FAM184B: variants seen among roughly 807,000 people sequenced by gnomAD.
FAM184B encodes the protein protein FAM184B.
Under a neutral mutation model 135.9 loss-of-function variants are expected in FAM184B, and 111 were observed. The observed-to-expected ratio is 0.82, with a 90% CI of 0.70 to 0.96. The LOEUF (loss-of-function observed/expected upper bound fraction) is 0.96. Among genes scored for constraint, FAM184B ranks in the 40% least tolerant of loss-of-function variants. The pLI is 0.00. For missense variants in FAM184B, 1,375 were observed against 1,323.9 expected (o/e 1.04, Z -0.60); for synonymous variants, 552 against 524.8 (o/e 1.05, Z -0.71).
intron 1 of FAM184B, among the ~76,000 whole-genome samples, chr4:17,748,115 A>G (rs1274341071): frequency 6.7e-6 from 1 of 150,184 alleles, no homozygotes; most frequent in African/African-American, 2.4e-5. Flanking sequence ...AAAAAAAAAA[A>G]AAAAAAAAGA....
In FAM184B at chr4:17,781,335, T is replaced by G; in HGVS notation, c.-36A>C. 1 of 1,491,534 alleles carries G rather than the reference T, an allele frequency of 6.7e-7. No homozygotes were observed. Among genetic ancestry groups the G allele is most frequent in the Non-Finnish European group, 9.0e-7 (1 of 1,113,162 alleles). 92.4% of individuals were successfully genotyped at this position (1,491,534 alleles called of 1,614,324 possible). ...CGCCCAGCACTCAGACTCTCTCGTT[T>G]TCTCCCTGCCCACCGTGTGCACGTG... On this transcript the variant is annotated 5_prime_UTR_variant, in exon 1 of 18. Coordinates refer to ENST00000265018, the MANE Select transcript of FAM184B (RefSeq NM_015688.2). This position sits in a 1 kb window ranked among gnomAD's most constrained non-coding sequence, Gnocchi z 6.5.
At chr4:17,698,192 G>T (rs1716907920) in intron 5 of FAM184B, among the ~76,000 whole-genome samples, 1 of 152,118 alleles carries the variant, frequency 6.6e-6, no homozygotes, top group South Asian at 2.1e-4. Context: ...ACTGTTTCAT[G>T]GGCCATTAAT....
At chr4:17,775,431 C>T (rs547705013) in intron 1 of FAM184B, among the ~76,000 whole-genome samples, 155 of 152,228 alleles carry the variant, frequency 1.0e-3, no homozygotes, top group Admixed American at 2.4e-3. Flanking sequence ...GTGATCTGCC[C>T]GCCTCGGCCT....
At chr4:17,679,755 A>G (rs561972700) in intron 7 of FAM184B, among the ~76,000 whole-genome samples, 2 of 151,816 alleles carry the variant, frequency 1.3e-5, no homozygotes, top group African/African-American at 4.8e-5. Context: ...TTGCAACTGC[A>G]AAAATATGGA....
intron 14 of FAM184B, 113 bp downstream of exon 14, chr4:17,639,136 AC>A: frequency 8.8e-7 from 1 of 1,133,922 alleles, no homozygotes; most frequent in Admixed American, 2.2e-5. Context: ...CCTGGCCAGA[AC>A]CCAGGACTTT....
At chr4:17,632,738 C>G in intron 17 of FAM184B, 113 bp from the exon 18 acceptor site, 5 of 693,348 alleles carry the variant, frequency 7.2e-6, no homozygotes, top group Non-Finnish European at 1.2e-5. Flanking sequence ...TCAAAAACAC[C>G]CAAATGGGAC....
At chr4:17,690,664 T>C (rs956063008) in intron 6 of FAM184B, among the ~76,000 whole-genome samples, 1 of 152,234 alleles carries the variant, frequency 6.6e-6, no homozygotes. Flanking sequence ...TATAAAACTA[T>C]GCTTAAACTG....
Position 17,705,855 on chromosome 4 carries a change from A to T in FAM184B, c.1067T>A (p.Val356Asp), listed in dbSNP as rs1262422645. 3.9e-6 allele frequency: 6 copies of T among 1,552,226 alleles called. No individual in the cohort carries two copies. Among genetic ancestry groups the T allele is most frequent in the South Asian group, 1.2e-5 (1 of 84,060 alleles). The stretch of plus-strand genomic sequence containing the variant: ...TTCCAAGTCATTCTCTTCCCGCAGG[A>T]CTTTGTTCTCTGAAACTAACTCAGT... The part of the protein sequence containing the change: ...MKTELVSENK[V>D]LREENDLEAG... Residue 356 changes from valine (V) to aspartate (D), a missense_variant, in exon 4 of 18, where the codon GTC (valine) becomes GAC (aspartate). Physicochemically the swap from Val to Asp is radical, Grantham distance 152 (BLOSUM62 -3). Coordinates refer to ENST00000265018, the MANE Select transcript of FAM184B (RefSeq NM_015688.2).
At chr4:17,658,235 T>C in intron 10 of FAM184B, 115 bp downstream of exon 10, 4 of 974,490 alleles carry the variant, frequency 4.1e-6, no homozygotes, top group East Asian at 2.6e-5. Flanking sequence ...ATAATAACAA[T>C]CTGGAAAGAT....
Position 17,639,242 on chromosome 4 carries a change from T to C in FAM184B, c.2666+8A>G. 1 of 1,551,352 alleles carries C rather than the reference T, an allele frequency of 6.4e-7. No individual in the cohort carries two copies. Among genetic ancestry groups the C allele is most frequent in the Non-Finnish European group, 8.7e-7 (1 of 1,146,742 alleles). ...AAGACCCTCCCTGGGGCCCGAGGCC[T>C]CACTTACTCGGCTTCCAGGGCAGCC... is the stretch of plus-strand genomic sequence containing the variant. On this transcript the variant is annotated splice_region_variant and intron_variant, in intron 14 of 17. Transcript: ENST00000265018.
intron 7 of FAM184B, among the ~76,000 whole-genome samples, chr4:17,669,835 A>T (rs184683181): frequency 6.6e-6 from 1 of 152,364 alleles, no homozygotes; most frequent in African/African-American, 2.4e-5. Flanking sequence ...CAAGATCAGC[A>T]AGCTAAACCT....
chr4:17,720,025 TACATCCTCC>T (rs1180697772), intron 1 of FAM184B, among the ~76,000 whole-genome samples: 2 of 152,234 alleles, frequency 1.3e-5, no homozygotes, highest in Non-Finnish European at 1.5e-5. Flanking sequence ...TTTGGCTAGT[TACATCCTCC>T]TCAACTCCCA....
chr4:17,770,525 G>A (rs763222917), intron 1 of FAM184B, among the ~76,000 whole-genome samples: 3 of 152,116 alleles, frequency 2.0e-5, no homozygotes, highest in East Asian at 1.9e-4. Context: ...GTGCAGTGGC[G>A]AAATATTGGC....
At position 17,746,202 on chromosome 4, in the gene FAM184B, G is replaced by A. The variant is rs573743162; in HGVS notation, c.141+34957C>T. Among the ~76,000 whole-genome samples the A allele has an allele frequency of 1.1e-4, 16 of 151,690 alleles. No individual in the cohort carries two copies. The South Asian group carries it at 2.7e-3, about 26-fold the overall frequency. ...TCGAACTCCTGACCCCAGGTGATCC[G>A]CCCACCTCGGCCTCCCAAAGTGCTG... On this transcript the variant is annotated intron_variant, in intron 1 of 17. Coordinates refer to ENST00000265018, the MANE Select transcript of FAM184B (RefSeq NM_015688.2).
intron 1 of FAM184B, among the ~76,000 whole-genome samples, chr4:17,765,649 G>A (rs1718655864): frequency 2.0e-5 from 3 of 152,166 alleles, no homozygotes; most frequent in Non-Finnish European, 4.4e-5. Flanking sequence ...TGCTGACACT[G>A]CCACCTGTTT....
chr4:17,638,658 G>A (rs1190730586), intron 14 of FAM184B, among the ~76,000 whole-genome samples: 2 of 152,162 alleles, frequency 1.3e-5, no homozygotes, highest in Non-Finnish European at 2.9e-5. Context: ...AATGCAATAT[G>A]TTTGCATGAG....
At position 17,709,330 on chromosome 4, in the gene FAM184B, C is replaced by T. The variant is rs1230237949; in HGVS notation, c.456G>A (p.Leu152=). 3 of 1,549,934 alleles carry T rather than the reference C, an allele frequency of 1.9e-6. No individual in the cohort carries two copies. Among genetic ancestry groups the T allele is most frequent in the Admixed American group, 3.9e-5 (2 of 50,896 alleles). ...TCCTCTCGTAGTCAGCCTTGAGCTC[C>T]AGCATTTCCCTGGAGAGCGTGAGGA... is the stretch of plus-strand genomic sequence containing the variant. The part of the protein sequence containing the change: ...ERVLTLSREM[L]ELKADYERRL... Residue 152 remains leucine, a synonymous_variant, in exon 2 of 18, where the codon CTG becomes CTA. Transcript: ENST00000265018.
intron 1 of FAM184B, among the ~76,000 whole-genome samples, chr4:17,773,066 C>G (rs1056446996): frequency 6.6e-6 from 1 of 152,232 alleles, no homozygotes; most frequent in Non-Finnish European, 1.5e-5. Flanking sequence ...CCACCTCCCT[C>G]TCTTCAACAC....
intron 7 of FAM184B, among the ~76,000 whole-genome samples, chr4:17,681,422 T>C (rs899986802): frequency 7.9e-5 from 12 of 152,238 alleles, no homozygotes; most frequent in Admixed American, 7.2e-4. Flanking sequence ...CTACTGCATC[T>C]CAGCCAATGC....
Sources: gnomAD v4.1 joint callset for allele counts (sites outside exome capture counted in the v4.1 genomes callset) on GRCh38, gnomAD v4.1.1 for gene constraint, Gnocchi (gnomAD v3.1) non-coding constraint, MANE v1.5 for transcripts, NCBI Gene and HGNC (gene_info 2026-07-23, HGNC 2026-07-21) for gene names.